The following PTGDR variants were observed in gnomAD, a reference collection of about 807,000 sequenced individuals.
The protein encoded by PTGDR is PGD2 receptor.
A neutral mutation model predicts 17.4 loss-of-function variants in PTGDR; 19 were observed. That is an observed-to-expected ratio of 1.09 (90% CI 0.76 to 1.60). PTGDR has a LOEUF of 1.60. Among genes scored for constraint, PTGDR ranks in the 40% most tolerant of loss-of-function variants. The pLI is 0.00. For synonymous variants in PTGDR, 267 were observed against 224.2 expected, an observed-to-expected ratio of 1.19 and a Z score of -1.71; for missense variants, 526 against 481.9, an observed-to-expected ratio of 1.09 and a Z score of -0.86.
chr14:52,278,117 G>A (rs1452764592), downstream of PTGDR, among the ~76,000 whole-genome samples: 2 of 152,138 alleles, frequency 1.3e-5, no homozygotes, highest in Non-Finnish European at 2.9e-5. Flanking sequence ...CCATTACCGG[G>A]TATATACCCA....
chr14:52,276,250 G>C lies in PTGDR; in HGVS notation c.*1286G>C, dbSNP rs1261020589. On this transcript the variant is annotated 3_prime_UTR_variant, in exon 2 of 2. Transcript: ENST00000306051. The stretch of plus-strand genomic sequence containing the variant: ...AGCTGGGGAGGTTCAAGGGGTTTCA[G>C]CATCTCTGGAGTTCCTTTGTATCTG... 6.6e-6 allele frequency: 1 copy of C among 152,190 alleles called. No individual in the cohort carries two copies. Among genetic ancestry groups the C allele is most frequent in the Non-Finnish European group, 1.5e-5 (1 of 68,028 alleles). 9.4% of individuals were successfully genotyped at this position (152,190 alleles called of 1,614,324 possible). A position where few individuals can be genotyped will look rare whatever the true frequency, so the allele number is the denominator to read the frequency against.
intron 1 of PTGDR, among the ~76,000 whole-genome samples, chr14:52,270,626 G>C (rs1198993682): frequency 1.3e-5 from 2 of 152,070 alleles, no homozygotes; most frequent in African/African-American, 4.8e-5. Flanking sequence ...TGTTATATTA[G>C]TACCTATCAA....
Position 52,267,810 on chromosome 14 carries a change from A to T in PTGDR, c.-5A>T. 2 of 1,548,154 alleles carry T rather than the reference A, an allele frequency of 1.3e-6. No individual in the cohort carries two copies. Among genetic ancestry groups the T allele is most frequent in the Non-Finnish European group, 1.7e-6 (2 of 1,146,728 alleles). On this transcript the variant is annotated 5_prime_UTR_variant, in exon 1 of 2. Coordinates refer to ENST00000306051, the MANE Select transcript of PTGDR (RefSeq NM_000953.3). ...CTTCACTCCAGCCCTCTGCTCCCGC[A>T]CGCCATGAAGTCGCCGTTCTACCGC... is the stretch of plus-strand genomic sequence containing the variant.
rs1460568451 is a variant in PTGDR at position 52,275,522 on chromosome 14, T to A, written c.*558T>A. The stretch of plus-strand genomic sequence containing the variant: ...AAGTGAGGTGGGAAATATGACCAGG[T>A]CAGGCAGTTGGAGGGGCTTCCCCAG... On this transcript the variant is annotated 3_prime_UTR_variant, in exon 2 of 2. Transcript: ENST00000306051. 1 of 153,256 alleles carries A rather than the reference T, an allele frequency of 6.5e-6. No homozygotes were observed. Among genetic ancestry groups the A allele is most frequent in the Non-Finnish European group, 1.5e-5 (1 of 68,880 alleles). 9.5% of individuals were successfully genotyped at this position (153,256 alleles called of 1,614,324 possible). A position where few individuals can be genotyped will look rare whatever the true frequency, so the allele number is the denominator to read the frequency against.
rs1222242686 is a variant in PTGDR, at chr14:52,268,580, C to T, written c.766C>T (p.Gln256Ter). 6.2e-7 allele frequency: 1 copy of T among 1,612,092 alleles called. No homozygotes were observed. Among genetic ancestry groups the T allele is most frequent in the African/African-American group, 1.3e-5 (1 of 74,920 alleles). The change falls in exon 1 of 2, where the codon CAG becomes TAG. Residue 256 changes from glutamine to a stop codon, truncating the protein, a stop_gained. Transcript: ENST00000306051. LOFTEE classifies it high-confidence loss of function. ...CGCGGACGGGAGGGAAGCGTCCCCT[C>T]AGCCCCTGGAGGAGCTGGATCACCT... is the stretch of plus-strand genomic sequence containing the variant. ...PRADGREASP[Q>*]PLEELDHLLL...
At position 52,267,873 on chromosome 14, in the gene PTGDR, C is replaced by A; in HGVS notation, c.59C>A (p.Ala20Glu). The change falls in exon 1 of 2, where the codon GCG (alanine) becomes GAG (glutamate). Residue 20 changes from alanine (A) to glutamate (E), a missense_variant. Coordinates refer to ENST00000306051, the MANE Select transcript of PTGDR (RefSeq NM_000953.3). ...NTTSVEKGNS[A>E]VMGGVLFSTG... ...ACCTCTGTGGAAAAAGGCAACTCGG[C>A]GGTGATGGGCGGGGTGCTCTTCAGC... 1 of 1,601,734 alleles carries A rather than the reference C, an allele frequency of 6.2e-7. No homozygotes were observed. Among genetic ancestry groups the A allele is most frequent in the Non-Finnish European group, 8.5e-7 (1 of 1,173,460 alleles).
rs1301511921 is a variant in PTGDR, at chr14:52,268,550, CCGCGCGCGGACGGGAGGGAAG to C, written c.739_759del (p.Arg247_Ala253del). ...CTCCTGCACCAGGGACTGTGCCGAGCCGCGCGCGGACGGGAGGGAAGCGTCCCCTCAGCCCCTGGAGGAGCT... is the reference window on the plus strand; with the variant it reads ...CTCCTGCACCAGGGACTGTGCCGAGCCGTCCCCTCAGCCCCTGGAGGAGCT... On this transcript the variant is annotated inframe_deletion, in exon 1 of 2. Coordinates refer to ENST00000306051, the MANE Select transcript of PTGDR (RefSeq NM_000953.3). 6.2e-7 allele frequency: 1 copy of C among 1,612,656 alleles called. No individual in the cohort carries two copies. Among genetic ancestry groups the C allele is most frequent in the Non-Finnish European group, 8.5e-7 (1 of 1,179,632 alleles).
chr14:52,275,344 G>T lies in PTGDR; in HGVS notation c.*380G>T, dbSNP rs181859505. On this transcript the variant is annotated 3_prime_UTR_variant, in exon 2 of 2. Transcript: ENST00000306051. Reference sequence around the variant, plus strand: ...ATACAGTAGAAACACCACTGTTTACGATTATACGATGGACATTCATAAAAA... The same window carrying T: ...ATACAGTAGAAACACCACTGTTTACTATTATACGATGGACATTCATAAAAA... 3.0e-5 allele frequency: 5 copies of T among 168,090 alleles called. No homozygotes were observed. In the South Asian group the frequency reaches 7.8e-4, roughly 26 times the overall value. The allele number at this position is 168,090 out of a possible 1,614,324, so 10.4% of individuals were successfully genotyped here.
chr14:52,272,497 T>A (rs1473692558), intron 1 of PTGDR, among the ~76,000 whole-genome samples: 2 of 151,590 alleles, frequency 1.3e-5, no homozygotes, highest in African/African-American at 4.9e-5. Flanking sequence ...TGGGCATTTT[T>A]AAAAGTGCTC....
chr14:52,270,571 C>T (rs1400074722), intron 1 of PTGDR, among the ~76,000 whole-genome samples: 2 of 152,158 alleles, frequency 1.3e-5, no homozygotes, highest in Admixed American at 6.5e-5. Context: ...ATTATTAATA[C>T]ATTTTGAATT....
chr14:52,276,588 T>C lies in PTGDR; in HGVS notation c.*1624T>C, dbSNP rs201796585. 5 of 152,238 alleles carry C rather than the reference T, an allele frequency of 3.3e-5. No individual in the cohort carries two copies. Among genetic ancestry groups the C allele is most frequent in the Non-Finnish European group, 7.3e-5 (5 of 68,046 alleles). 9.4% of individuals were successfully genotyped at this position (152,238 alleles called of 1,614,324 possible). A position where few individuals can be genotyped will look rare whatever the true frequency, so the allele number is the denominator to read the frequency against. ...ATTTAACTTTTGTTTGTACCTTCAA[T>C]GTGTAAGTACATGCATGTTTTATTG... On this transcript the variant is annotated 3_prime_UTR_variant, in exon 2 of 2. Transcript: ENST00000306051.
At position 52,268,014 on chromosome 14, in the gene PTGDR, G is replaced by T. The variant is rs1003511753; in HGVS notation, c.200G>T (p.Gly67Val). Reference sequence around the variant, plus strand: ...TCGGTCTTCTACATGCTGGTGTGTGGCCTGACGGTCACCGACTTGCTGGGC... The same window carrying T: ...TCGGTCTTCTACATGCTGGTGTGTGTCCTGACGGTCACCGACTTGCTGGGC... Reference protein sequence around the residue: ...LPSVFYMLVCGLTVTDLLGKC... With the variant: ...LPSVFYMLVCVLTVTDLLGKC... Residue 67 changes from glycine (G) to valine (V), a missense_variant, in exon 1 of 2, where the codon GGC becomes GTC. Physicochemically the swap from Gly to Val is moderately radical, Grantham distance 109 (BLOSUM62 -3). Transcript: ENST00000306051. 1 of 1,610,432 alleles carries T rather than the reference G, an allele frequency of 6.2e-7. No individual in the cohort carries two copies. Among genetic ancestry groups the T allele is most frequent in the South Asian group, 1.1e-5 (1 of 91,088 alleles).
chr14:52,270,548 A>G (rs998435877), intron 1 of PTGDR, among the ~76,000 whole-genome samples: 2 of 152,252 alleles, frequency 1.3e-5, no homozygotes, highest in African/African-American at 4.8e-5. Context: ...ATCTAAAAAA[A>G]AAATTGTACT....
At position 52,274,918 on chromosome 14, in the gene PTGDR, A is replaced by C. The variant is rs751023943; in HGVS notation, c.1034A>C (p.Tyr345Ser). Residue 345 changes from tyrosine to serine, a missense_variant, in exon 2 of 2, where the codon TAC (tyrosine) becomes TCC (serine). Coordinates refer to ENST00000306051, the MANE Select transcript of PTGDR (RefSeq NM_000953.3). Reference sequence around the variant, plus strand: ...AAGATTTTCATTAGACCTCTTAGGTACAGGAGCCGGTGCAGCAATTCCACT... The same window carrying C: ...AAGATTTTCATTAGACCTCTTAGGTCCAGGAGCCGGTGCAGCAATTCCACT... The part of the protein sequence containing the change: ...FHKIFIRPLR[Y>S]RSRCSNSTNM... 1 of 1,604,272 alleles carries C rather than the reference A, an allele frequency of 6.2e-7. No individual in the cohort carries two copies. The highest frequency in any genetic ancestry group is 8.5e-7 in the Non-Finnish European group (1 of 1,171,194).
At position 52,267,845 on chromosome 14, in the gene PTGDR, A is replaced by G; in HGVS notation, c.31A>G (p.Thr11Ala). ...GTCGCCGTTCTACCGCTGCCAGAAC[A>G]CCACCTCTGTGGAAAAAGGCAACTC... is the stretch of plus-strand genomic sequence containing the variant. MKSPFYRCQN[T>A]TSVEKGNSAV... is the part of the protein sequence containing the mutation. Residue 11 changes from threonine (T) to alanine (A), a missense_variant, in exon 1 of 2, where the codon ACC becomes GCC. Coordinates refer to ENST00000306051, the MANE Select transcript of PTGDR (RefSeq NM_000953.3). 1 of 1,586,598 alleles carries G rather than the reference A, an allele frequency of 6.3e-7. No individual in the cohort carries two copies. Among genetic ancestry groups the G allele is most frequent in the African/African-American group, 1.3e-5 (1 of 74,420 alleles).
chr14:52,268,039 C>G lies in PTGDR; in HGVS notation c.225C>G (p.Gly75=). 6.2e-7 allele frequency: 1 copy of G among 1,611,860 alleles called. No homozygotes were observed. Among genetic ancestry groups the G allele is most frequent in the Non-Finnish European group, 8.5e-7 (1 of 1,180,030 alleles). The change falls in exon 1 of 2, where the codon GGC becomes GGG. Residue 75 remains glycine, a synonymous_variant. Transcript: ENST00000306051. The part of the protein sequence containing the change: ...VCGLTVTDLL[G]KCLLSPVVLA... ...GCCTGACGGTCACCGACTTGCTGGGCAAGTGCCTCCTAAGCCCGGTGGTGC... is the reference window on the plus strand; with the variant it reads ...GCCTGACGGTCACCGACTTGCTGGGGAAGTGCCTCCTAAGCCCGGTGGTGC...
At chr14:52,277,691 C>T (rs865897114), downstream of PTGDR, among the ~76,000 whole-genome samples, 1 of 152,156 alleles carries the variant, frequency 6.6e-6, no homozygotes, top group African/African-American at 2.4e-5. Context: ...CCTGGACAAG[C>T]AGCAGTAGCA....
At position 52,267,994 on chromosome 14, in the gene PTGDR, C is replaced by G; in HGVS notation, c.180C>G (p.Val60=). The G allele has an allele frequency of 1.9e-6, 3 of 1,609,890 alleles. No homozygotes were observed. Among genetic ancestry groups the G allele is most frequent in the Non-Finnish European group, 2.5e-6 (3 of 1,179,972 alleles). The change falls in exon 1 of 2, where the codon GTC becomes GTG. Residue 60 remains valine, a synonymous_variant. Transcript: ENST00000306051. ...SRRPLRPLPS[V]FYMLVCGLTV... ...GTCCACTGCGCCCGCTGCCCTCGGTCTTCTACATGCTGGTGTGTGGCCTGA... is the reference window on the plus strand; with the variant it reads ...GTCCACTGCGCCCGCTGCCCTCGGTGTTCTACATGCTGGTGTGTGGCCTGA...
At chr14:52,273,888 G>T (rs930091699) in intron 1 of PTGDR, among the ~76,000 whole-genome samples, 1 of 152,160 alleles carries the variant, frequency 6.6e-6, no homozygotes, top group South Asian at 2.1e-4. Context: ...AGAGTGGAAA[G>T]CAATGGTTGT....
Sources: gnomAD v4.1 joint callset for allele counts (sites outside exome capture counted in the v4.1 genomes callset) on GRCh38, gnomAD v4.1.1 for gene constraint, MANE v1.5 for transcripts, NCBI Gene and HGNC (gene_info 2026-07-23, HGNC 2026-07-21) for gene names.